ELMO1: variants seen among roughly 807,000 people sequenced by gnomAD.
The protein encoded by ELMO1 is engulfment and cell motility protein 1.
ELMO1 carries 26 observed loss-of-function variants against 98.9 expected under a neutral mutation model. The ratio of observed to expected loss-of-function variants is 0.26; its 90% CI spans 0.19 to 0.36. ELMO1 has a LOEUF of 0.36. Ranked by LOEUF, ELMO1 falls within the 10% of genes least tolerant of loss-of-function variation. The probability of loss-of-function intolerance (pLI) is 1.00; values close to 1 mark genes in which losing one functional copy is unlikely to be tolerated. For missense variants in ELMO1, 627 were observed against 935.2 expected, an observed-to-expected ratio of 0.67 and a Z score of 4.30; for synonymous variants, 346 against 346.0, an observed-to-expected ratio of 1.00 and a Z score of 0.00.
intron 16 of ELMO1, among the ~76,000 whole-genome samples, chr7:36,941,336 T>A (rs1787015435): frequency 6.6e-6 from 1 of 152,212 alleles, no homozygotes; most frequent in Admixed American, 6.5e-5. Context: ...CTGAGAACAC[T>A]AACTTTGGAA....
chr7:37,304,378 C>A (rs1455929356), intron 4 of ELMO1, among the ~76,000 whole-genome samples: 1 of 151,958 alleles, frequency 6.6e-6, no homozygotes, highest in Non-Finnish European at 1.5e-5. Context: ...TGTGTGTGTA[C>A]ATATGCACTT....
chr7:37,309,672 T>C (rs1197933540), intron 4 of ELMO1, among the ~76,000 whole-genome samples: 1 of 152,200 alleles, frequency 6.6e-6, no homozygotes, highest in East Asian at 1.9e-4. Flanking sequence ...GAGAAAGCTC[T>C]TTGATTGAGG....
intron 16 of ELMO1, among the ~76,000 whole-genome samples, chr7:37,002,440 A>C (rs1792744967): frequency 6.6e-6 from 1 of 152,230 alleles, no homozygotes; most frequent in Non-Finnish European, 1.5e-5. Context: ...TTGGGGTGAG[A>C]GAAGAGGAAG....
At chr7:37,039,963 A>G (rs1795405842) in intron 15 of ELMO1, among the ~76,000 whole-genome samples, 2 of 152,224 alleles carry the variant, frequency 1.3e-5, no homozygotes, top group Admixed American at 1.3e-4. Context: ...ACTGTAATGT[A>G]ACATTACATT....
At chr7:37,343,482 CATTTCTTT>C (rs1347729227) in intron 1 of ELMO1, among the ~76,000 whole-genome samples, 1 of 141,360 alleles carries the variant, frequency 7.1e-6, no homozygotes, top group African/African-American at 2.7e-5. Flanking sequence ...CAGGCTAGCC[CATTTCTTT>C]TTTTTTTTTT....
intron 13 of ELMO1, among the ~76,000 whole-genome samples, chr7:37,188,264 A>G (rs1317904127): frequency 6.6e-6 from 1 of 152,108 alleles, no homozygotes; most frequent in African/African-American, 2.4e-5. Flanking sequence ...ACAGAGCCCC[A>G]GTCCTTAGGT....
intron 15 of ELMO1, among the ~76,000 whole-genome samples, chr7:37,043,778 A>G (rs1795654125): frequency 6.6e-6 from 1 of 152,110 alleles, no homozygotes; most frequent in Non-Finnish European, 1.5e-5. Context: ...CAAGACAGTC[A>G]CACAGAGCAG....
At chr7:37,246,791 AACAG>A (rs1209577441) in intron 6 of ELMO1, among the ~76,000 whole-genome samples, 3 of 145,736 alleles carry the variant, frequency 2.1e-5, no homozygotes, top group African/African-American at 8.2e-5. Flanking sequence ...TAGATAGATA[AACAG>A]ACAGATAGAT....
At chr7:37,184,749 C>T (rs182864077) in intron 13 of ELMO1, among the ~76,000 whole-genome samples, 4 of 151,798 alleles carry the variant, frequency 2.6e-5, no homozygotes, top group Non-Finnish European at 5.9e-5. Flanking sequence ...CTCTACCCCC[C>T]AAAAAAGACA....
intron 2 of ELMO1, among the ~76,000 whole-genome samples, chr7:37,321,427 G>T (rs1799484729): frequency 6.6e-6 from 1 of 152,010 alleles, no homozygotes; most frequent in Non-Finnish European, 1.5e-5. Context: ...TGAAAGAAAA[G>T]CCCTAGGAGG....
chr7:37,163,926 T>C (rs1023880407), intron 13 of ELMO1, among the ~76,000 whole-genome samples: 1 of 152,210 alleles, frequency 6.6e-6, no homozygotes, highest in Admixed American at 6.5e-5. Context: ...GACTTCCACA[T>C]TGGTTGAACT....
intron 1 of ELMO1, among the ~76,000 whole-genome samples, chr7:37,365,662 G>A (rs1251768655): frequency 6.6e-6 from 1 of 152,184 alleles, no homozygotes; most frequent in Non-Finnish European, 1.5e-5. Flanking sequence ...GAGGTAAAGT[G>A]GGGAGTTGAA....
intron 5 of ELMO1, among the ~76,000 whole-genome samples, chr7:37,268,668 C>T (rs1005413671): frequency 3.9e-5 from 6 of 152,150 alleles, no homozygotes; most frequent in African/African-American, 1.4e-4. Flanking sequence ...TTTAACACGG[C>T]CACTAGAGAG....
At chr7:36,890,946 G>C (rs973426998) in intron 17 of ELMO1, among the ~76,000 whole-genome samples, 13 of 152,106 alleles carry the variant, frequency 8.5e-5, no homozygotes, top group Non-Finnish European at 1.9e-4. Context: ...ACCCAGACCT[G>C]CTCCAACCTC....
chr7:37,184,374 T>A (rs1791067029), intron 13 of ELMO1, among the ~76,000 whole-genome samples: 1 of 152,178 alleles, frequency 6.6e-6, no homozygotes, highest in South Asian at 2.1e-4. Context: ...GAGTCAGAGA[T>A]GTGGGGAGAC....
Position 37,337,775 on chromosome 7 carries a change from G to C in ELMO1, c.78+4838C>G, listed in dbSNP as rs1800502098. 2.0e-5 allele frequency among the ~76,000 whole-genome samples: 3 copies of C among 152,296 alleles called. No homozygotes were observed. In the East Asian group the frequency reaches 5.8e-4, roughly 29 times the overall value. On this transcript the variant is annotated intron_variant, in intron 2 of 21. Transcript: ENST00000310758. ...TCTTCCTTGAAAAGCAAGGCCTGAG[G>C]GGGCAGGGCAGAGACAAGAAATACT...
intron 1 of ELMO1, among the ~76,000 whole-genome samples, chr7:37,447,798 C>A (rs1437347975): frequency 6.6e-6 from 1 of 151,868 alleles, no homozygotes; most frequent in Admixed American, 6.5e-5. Context: ...CAACCCCAAA[C>A]ACACGCGCGC....
intron 15 of ELMO1, among the ~76,000 whole-genome samples, chr7:37,084,370 G>A (rs765797805): frequency 2.0e-5 from 3 of 152,168 alleles, no homozygotes; most frequent in African/African-American, 7.2e-5. Flanking sequence ...TGCAACAAAC[G>A]CTTATTAAAT....
intron 9 of ELMO1, among the ~76,000 whole-genome samples, chr7:37,223,309 A>C (rs979255078): frequency 1.3e-5 from 2 of 152,238 alleles, no homozygotes; most frequent in African/African-American, 4.8e-5. Context: ...AGGCATAAAC[A>C]AAGAGTGACT....
Sources: gnomAD v4.1 joint callset for allele counts (sites outside exome capture counted in the v4.1 genomes callset) on GRCh38, gnomAD v4.1.1 for gene constraint, MANE v1.5 for transcripts, NCBI Gene and HGNC (gene_info 2026-07-23, HGNC 2026-07-21) for gene names.